LRRC37A2: variants seen among roughly 807,000 people sequenced by gnomAD.
LRRC37A2 encodes leucine-rich repeat-containing protein 37A2.
A neutral mutation model predicts 68.8 loss-of-function variants in LRRC37A2; 9 were observed. The observed-to-expected ratio is 0.13, with a 90% CI of 0.08 to 0.23. LRRC37A2 has a LOEUF of 0.23. Among genes scored for constraint, LRRC37A2 ranks in the 10% least tolerant of loss-of-function variants. The probability of loss-of-function intolerance (pLI) is 1.00; values close to 1 mark genes in which losing one functional copy is unlikely to be tolerated. For synonymous variants in LRRC37A2, 63 were observed against 367.6 expected (o/e 0.17, Z 9.48); for missense variants, 168 against 950.4 (o/e 0.18, Z 10.82).
the LRRC37A2 span, chr17:46,933,518 A>G: frequency 6.6e-6 from 1 of 152,230 alleles, no homozygotes; most frequent in Non-Finnish European, 1.5e-5. Context: ...ACATGATGAA[A>G]TTAAAAGACC....
At chr17:47,004,370 G>A in the LRRC37A2 span, among the ~76,000 whole-genome samples, 1 of 152,126 alleles carries the variant, frequency 6.6e-6, no homozygotes, top group African/African-American at 2.4e-5. Context: ...TGCATTTCAC[G>A]GTAACCCAAT....
At chr17:46,954,907 A>G in the LRRC37A2 span, among the ~76,000 whole-genome samples, 1 of 151,474 alleles carries the variant, frequency 6.6e-6, no homozygotes, top group African/African-American at 2.4e-5. Context: ...ATCAGCTTAA[A>G]GAGATTTTGG....
At chr17:46,489,473 TTTTG>T in the LRRC37A2 span, among the ~76,000 whole-genome samples, 193 of 143,332 alleles carry the variant, frequency 1.3e-3, 1 homozygote, top group East Asian at 6.2e-3. Flanking sequence ...CTTGTTTGTT[TTTTG>T]TTTGTTTGTT....
the LRRC37A2 span, chr17:46,749,713 C>G: frequency 6.9e-7 from 1 of 1,459,736 alleles, no homozygotes; most frequent in Non-Finnish European, 9.2e-7. Flanking sequence ...TTCAAGCTTA[C>G]TGTAGTTTCC....
At chr17:46,709,035 G>A in the LRRC37A2 span, among the ~76,000 whole-genome samples, 3 of 151,246 alleles carry the variant, frequency 2.0e-5, no homozygotes, top group Non-Finnish European at 4.4e-5. Flanking sequence ...TTGTTGGCCA[G>A]GATGGTCTCA....
the LRRC37A2 span, among the ~76,000 whole-genome samples, chr17:46,424,818 T>G: frequency 1.0e-5 from 1 of 97,816 alleles, no homozygotes; most frequent in Admixed American, 1.0e-4. Flanking sequence ...TATTTTTTGT[T>G]TATAATAGAG....
At chr17:46,790,383 C>T in the LRRC37A2 span, among the ~76,000 whole-genome samples, 1 of 152,144 alleles carries the variant, frequency 6.6e-6, no homozygotes, top group Non-Finnish European at 1.5e-5. Flanking sequence ...AGAAACAAGG[C>T]TGCCTGGGCC....
At chr17:46,742,229 T>G in the LRRC37A2 span, among the ~76,000 whole-genome samples, 22,120 of 152,254 alleles carry the variant, frequency 0.15, 2,218 homozygotes, top group Non-Finnish European at 0.21. Context: ...CTTTAAAATT[T>G]GTTGCTATCA....
chr17:46,877,420 C>G, the LRRC37A2 span, among the ~76,000 whole-genome samples: 1 of 152,174 alleles, frequency 6.6e-6, no homozygotes, highest in East Asian at 1.9e-4. Context: ...ATTCTTGTCT[C>G]GAGAGCTGGG....
At chr17:46,923,068 G>A in the LRRC37A2 span, 6 of 720,192 alleles carry the variant, frequency 8.3e-6, no homozygotes, top group African/African-American at 8.7e-5. Flanking sequence ...AGGCGCGCGT[G>A]CGGGCAGCCC....
At chr17:47,002,262 A>G in the LRRC37A2 span, among the ~76,000 whole-genome samples, 1 of 152,152 alleles carries the variant, frequency 6.6e-6, no homozygotes, top group East Asian at 1.9e-4. Context: ...AATACCTGAG[A>G]TGTTTTGATA....
At chr17:46,755,235 A>G in the LRRC37A2 span, 6 of 1,070,614 alleles carry the variant, frequency 5.6e-6, no homozygotes, top group South Asian at 2.5e-5. Context: ...GTGAAACCGA[A>G]CACTGCCTTC....
the LRRC37A2 span, among the ~76,000 whole-genome samples, chr17:46,849,417 G>A: frequency 6.6e-6 from 1 of 152,228 alleles, no homozygotes; most frequent in African/African-American, 2.4e-5. Context: ...TGGGCAGCCT[G>A]AGCTGAACCC....
chr17:46,924,358 A>G, the LRRC37A2 span: 1 of 152,328 alleles, frequency 6.6e-6, no homozygotes, highest in African/African-American at 2.4e-5. Context: ...TTATCCATTC[A>G]TCTGTTGATG....
the LRRC37A2 span, chr17:46,773,638 C>T: frequency 1.5e-6 from 1 of 679,582 alleles, no homozygotes; most frequent in South Asian, 1.8e-5. Context: ...CCACCCAGCC[C>T]CTCCCCCCCC....
chr17:46,904,575 G>A, the LRRC37A2 span, among the ~76,000 whole-genome samples: 1 of 152,016 alleles, frequency 6.6e-6, no homozygotes, highest in Non-Finnish European at 1.5e-5. Flanking sequence ...CTGGTTGGAT[G>A]GATAGGTGAT....
chr17:46,916,162 C>A, the LRRC37A2 span, among the ~76,000 whole-genome samples: 4 of 152,338 alleles, frequency 2.6e-5, no homozygotes, highest in East Asian at 7.7e-4. Flanking sequence ...GAAGTGGCCA[C>A]GCCTATCTTC....
chr17:46,890,924 A>G, the LRRC37A2 span, among the ~76,000 whole-genome samples: 1 of 152,174 alleles, frequency 6.6e-6, no homozygotes, highest in Non-Finnish European at 1.5e-5. Flanking sequence ...GCCTCATCCT[A>G]TTTAATTTCC....
the LRRC37A2 span, among the ~76,000 whole-genome samples, chr17:46,950,027 T>G: frequency 1.3e-5 from 2 of 152,238 alleles, no homozygotes; most frequent in Non-Finnish European, 2.9e-5. Flanking sequence ...CAGTGTGTGT[T>G]GAAGAGGAAA....
Sources: allele counts gnomAD v4.1 joint callset (sites outside exome capture counted in the v4.1 genomes callset), GRCh38; gene constraint gnomAD v4.1.1; transcripts MANE v1.5; gene names NCBI Gene and HGNC (gene_info 2026-07-23, HGNC 2026-07-21).